Variants in STK32B observed in about 807,000 individuals in gnomAD.
STK32B encodes the protein serine/threonine kinase 32B.
STK32B carries 43 observed loss-of-function variants against 52.6 expected under a neutral mutation model. That is an observed-to-expected ratio of 0.82 (90% CI 0.64 to 1.05). The LOEUF (loss-of-function observed/expected upper bound fraction) is 1.05. STK32B is among the 50% of genes least tolerant of loss of function. The probability of loss-of-function intolerance (pLI) is 0.00; values close to 1 mark genes in which losing one functional copy is unlikely to be tolerated. For missense variants in STK32B, 621 were observed against 534.6 expected (o/e 1.16, Z -1.59); for synonymous variants, 238 against 204.3 (o/e 1.17, Z -1.41).
rs577276118 is a variant in STK32B at position 5,394,427 on chromosome 4, C to T, written c.435-3780C>T. Among the ~76,000 whole-genome samples, 25 of 152,166 alleles carry T rather than the reference C, an allele frequency of 1.6e-4. No homozygotes were observed. Among genetic ancestry groups the T allele is most frequent in the Admixed American group, 3.9e-4 (6 of 15,274 alleles). ...ATGTGAAAAATAGAGCTGGAGGAAACGGTCCTGAAACTGGCTAAACTAAAG... is the reference window on the plus strand; with the variant it reads ...ATGTGAAAAATAGAGCTGGAGGAAATGGTCCTGAAACTGGCTAAACTAAAG... On this transcript the variant is annotated intron_variant, in intron 4 of 11. Coordinates refer to ENST00000282908, the MANE Select transcript of STK32B (RefSeq NM_018401.3). This position sits in a 1 kb window ranked among gnomAD's most constrained non-coding sequence, Gnocchi z 4.2.
At chr4:5,136,339 C>T (rs947967083) in intron 1 of STK32B, among the ~76,000 whole-genome samples, 1 of 152,198 alleles carries the variant, frequency 6.6e-6, no homozygotes, top group Non-Finnish European at 1.5e-5. Context: ...CAGTGCGTTT[C>T]CCATTTCTAC....
At chr4:5,482,120 A>G (rs933511739) in intron 11 of STK32B, among the ~76,000 whole-genome samples, 4 of 152,208 alleles carry the variant, frequency 2.6e-5, no homozygotes, top group African/African-American at 7.2e-5. Context: ...AATTCTGAGA[A>G]GAAAGTCATT....
At chr4:5,318,509 G>C (rs1182731761) in intron 3 of STK32B, among the ~76,000 whole-genome samples, 1 of 152,148 alleles carries the variant, frequency 6.6e-6, no homozygotes, top group Admixed American at 6.5e-5. Flanking sequence ...TGAAATTGGA[G>C]AGTCCTGATC....
At position 5,268,521 on chromosome 4, in the gene STK32B, T is replaced by C. The variant is rs74402468; in HGVS notation, c.261-62699T>C. Among the ~76,000 whole-genome samples the C allele has an allele frequency of 5.7e-4, 86 of 150,004 alleles. No homozygotes were observed. In the East Asian group the frequency reaches 0.016, roughly 28 times the overall value. On this transcript the variant is annotated intron_variant, in intron 3 of 11. Coordinates refer to ENST00000282908, the MANE Select transcript of STK32B (RefSeq NM_018401.3). Reference sequence around the variant, plus strand: ...ATTACCCTGATTTACTAAGCACTATTTGAAGTTGCTTGGTGTGGTGTGTGT... The same window carrying C: ...ATTACCCTGATTTACTAAGCACTATCTGAAGTTGCTTGGTGTGGTGTGTGT...
At chr4:5,065,721 C>A (rs991809671) in intron 1 of STK32B, among the ~76,000 whole-genome samples, 2 of 152,102 alleles carry the variant, frequency 1.3e-5, no homozygotes, top group Admixed American at 1.3e-4. Context: ...ATGACAGTGA[C>A]TCAGTAATTT....
intron 1 of STK32B, among the ~76,000 whole-genome samples, chr4:5,124,453 C>T (rs1394973096): frequency 6.6e-6 from 1 of 152,184 alleles, no homozygotes; most frequent in African/African-American, 2.4e-5. Flanking sequence ...GTTTCCTAAC[C>T]CACCAGAAAG....
At chr4:5,277,196 T>C (rs911672792) in intron 3 of STK32B, among the ~76,000 whole-genome samples, 2 of 152,244 alleles carry the variant, frequency 1.3e-5, no homozygotes, top group Non-Finnish European at 2.9e-5. Flanking sequence ...AAGACAGTGC[T>C]GTGGACAGAA....
chr4:5,479,119 TTTTG>T (rs1718470040), intron 11 of STK32B, among the ~76,000 whole-genome samples: 1 of 113,856 alleles, frequency 8.8e-6, no homozygotes. Context: ...TTGTTTTTGT[TTTTG>T]TTTTTTTTTT....
intron 3 of STK32B, among the ~76,000 whole-genome samples, chr4:5,296,439 G>C (rs186495329): frequency 6.6e-6 from 1 of 152,092 alleles, no homozygotes; most frequent in Non-Finnish European, 1.5e-5. Context: ...TATGAATCTG[G>C]GTGCTCCTGT....
chr4:5,074,585 G>C (rs938333641), intron 1 of STK32B, among the ~76,000 whole-genome samples: 1 of 151,902 alleles, frequency 6.6e-6, no homozygotes, highest in Non-Finnish European at 1.5e-5. Context: ...AGATATTGTA[G>C]ATGGTATATT....
chr4:5,493,593 A>AT, intron 11 of STK32B, among the ~76,000 whole-genome samples: 1 of 151,760 alleles, frequency 6.6e-6, no homozygotes, highest in East Asian at 1.9e-4. Flanking sequence ...TTCTGCTCTG[A>AT]TTTTAGTTAT....
chr4:5,355,837 C>A lies in STK32B; in HGVS notation c.434+24444C>A, dbSNP rs191584317. Among the ~76,000 whole-genome samples, 3 of 152,326 alleles carry A rather than the reference C, an allele frequency of 2.0e-5. No homozygotes were observed. In the East Asian group the frequency reaches 5.8e-4, roughly 29 times the overall value. ...GCAACCTCTCAACTTCCTTGAGGAA[C>A]ACAATCCTACAGAAACCTCAAGCAC... On this transcript the variant is annotated intron_variant, in intron 4 of 11. Transcript: ENST00000282908.
At chr4:5,193,147 C>T (rs1174516491) in intron 3 of STK32B, among the ~76,000 whole-genome samples, 1 of 152,054 alleles carries the variant, frequency 6.6e-6, no homozygotes, top group Non-Finnish European at 1.5e-5. Flanking sequence ...GTGATAGCTC[C>T]GGGGTGGGCC....
chr4:5,041,804 C>CT, the STK32B span, among the ~76,000 whole-genome samples: 303 of 149,688 alleles, frequency 2.0e-3, 1 homozygote, highest in African/African-American at 6.7e-3. Context: ...CAGCCTTTAT[C>CT]TTTTTTTTTT....
At chr4:5,136,543 T>C (rs573222868) in intron 1 of STK32B, among the ~76,000 whole-genome samples, 3 of 152,252 alleles carry the variant, frequency 2.0e-5, no homozygotes, top group East Asian at 3.9e-4. Context: ...CCAGACTGGG[T>C]AGTTTTCAAG....
At chr4:5,461,932 G>A (rs182888817) in intron 9 of STK32B, among the ~76,000 whole-genome samples, 7 of 152,174 alleles carry the variant, frequency 4.6e-5, no homozygotes, top group African/African-American at 1.2e-4. Context: ...GACACCCCTC[G>A]GACTGCTGTG....
intron 4 of STK32B, among the ~76,000 whole-genome samples, chr4:5,355,934 G>GT (rs1734143847): frequency 6.6e-6 from 1 of 152,138 alleles, no homozygotes; most frequent in African/African-American, 2.4e-5. Flanking sequence ...GTGGAGGACA[G>GT]GGAACCTCAT....
At chr4:5,059,272 C>G (rs1193860865) in intron 1 of STK32B, among the ~76,000 whole-genome samples, 1 of 151,848 alleles carries the variant, frequency 6.6e-6, no homozygotes, top group Non-Finnish European at 1.5e-5. Flanking sequence ...GACTGGTACA[C>G]CTACCCAAAC....
At chr4:5,040,388 A>ATTT in the STK32B span, among the ~76,000 whole-genome samples, 504 of 118,632 alleles carry the variant, frequency 4.2e-3, 9 homozygotes, top group African/African-American at 0.011. Context: ...TGGCAGTAGA[A>ATTT]TTTTTTTTTT....
Sources: allele counts gnomAD v4.1 joint callset (sites outside exome capture counted in the v4.1 genomes callset), GRCh38; gene constraint gnomAD v4.1.1; non-coding constraint Gnocchi (gnomAD v3.1); transcripts MANE v1.5; gene names NCBI Gene and HGNC (gene_info 2026-07-23, HGNC 2026-07-21).